Variants in MRPL48 observed in about 807,000 individuals in gnomAD.
The protein encoded by MRPL48 is large ribosomal subunit protein mL48.
A neutral mutation model predicts 32.9 loss-of-function variants in MRPL48; 16 were observed. The observed-to-expected ratio is 0.49, with a 90% CI of 0.33 to 0.74. MRPL48 has a LOEUF of 0.74. MRPL48 is among the 30% of genes least tolerant of loss of function. The pLI is 0.02. For synonymous variants in MRPL48, 94 were observed against 89.2 expected (o/e 1.05, Z -0.31); for missense variants, 206 against 245.3 (o/e 0.84, Z 1.07).
At chr11:73,858,845 C>T (rs936210016) in intron 5 of MRPL48, among the ~76,000 whole-genome samples, 5 of 152,300 alleles carry the variant, frequency 3.3e-5, no homozygotes, top group African/African-American at 1.2e-4. Flanking sequence ...GAAACTGAGG[C>T]CCAGAGGGGG....
intron 3 of MRPL48, among the ~76,000 whole-genome samples, chr11:73,817,086 C>T (rs1947691764): frequency 6.6e-6 from 1 of 152,004 alleles, no homozygotes; most frequent in South Asian, 2.1e-4. Flanking sequence ...CCCGCTTGGG[C>T]CTCCCGAAGT....
At chr11:73,817,092 G>A (rs1170016883) in intron 3 of MRPL48, among the ~76,000 whole-genome samples, 2 of 150,702 alleles carry the variant, frequency 1.3e-5, no homozygotes, top group African/African-American at 2.4e-5. Context: ...TGGGCCTCCC[G>A]AAGTGCTGGG....
At chr11:73,857,580 G>A (rs996316007) in intron 5 of MRPL48, among the ~76,000 whole-genome samples, 5 of 143,648 alleles carry the variant, frequency 3.5e-5, no homozygotes, top group African/African-American at 1.0e-4. Context: ...ACGCCTGGCC[G>A]CATAGACTTT....
chr11:73,832,066 G>A (rs1485413817), intron 4 of MRPL48, among the ~76,000 whole-genome samples: 1 of 152,064 alleles, frequency 6.6e-6, no homozygotes, highest in Non-Finnish European at 1.5e-5. Context: ...CAGTCTTGGG[G>A]TAATGGCAGC....
At chr11:73,851,336 G>A (rs1041984514) in intron 5 of MRPL48, 2 of 219,928 alleles carry the variant, frequency 9.1e-6, no homozygotes, top group African/African-American at 4.6e-5. Flanking sequence ...TTTAAACCCA[G>A]TTCTGCCTGA....
At chr11:73,853,815 C>T (rs1405096613) in intron 5 of MRPL48, among the ~76,000 whole-genome samples, 7 of 150,518 alleles carry the variant, frequency 4.7e-5, no homozygotes, top group Non-Finnish European at 7.4e-5. Context: ...CTCAGCCTCC[C>T]GAGTAGCTGG....
At chr11:73,788,070 G>GAGGGGAGATGGCGGAGGGTGTAGAT in intron 1 of MRPL48, 78 bp downstream of exon 1, 1 of 1,574,958 alleles carries the variant, frequency 6.3e-7, no homozygotes. Flanking sequence ...AGGGTGCAGA[G>GAGGGGAGATGGCGGAGGGTGTAGAT]CGGGGAGGTG....
rs577063286 is a variant in MRPL48 at position 73,855,551 on chromosome 11, G to A, written c.372-4356G>A. Among the ~76,000 whole-genome samples the A allele has an allele frequency of 3.3e-5, 5 of 152,150 alleles. No individual in the cohort carries two copies. In the East Asian group the frequency reaches 7.7e-4, roughly 24 times the overall value. On this transcript the variant is annotated intron_variant, in intron 5 of 7. Transcript: ENST00000310614. ...TGCCCAGGCTGGAGTGCAGTGGTGC[G>A]ATCTCGGCTCACTGCAACCTCTGCT...
chr11:73,834,814 T>A (rs1170899292), intron 4 of MRPL48, among the ~76,000 whole-genome samples: 29 of 150,778 alleles, frequency 1.9e-4, no homozygotes, highest in Admixed American at 1.9e-3. Flanking sequence ...GGATTACAGG[T>A]GTGAGCCACC....
At chr11:73,826,820 A>G (rs1336889601) in intron 4 of MRPL48, among the ~76,000 whole-genome samples, 2 of 136,616 alleles carry the variant, frequency 1.5e-5, no homozygotes, top group Non-Finnish European at 3.1e-5. Context: ...CTTATTGCTC[A>G]GGCTGGAGGG....
At chr11:73,795,629 C>T (rs898081605) in intron 1 of MRPL48, among the ~76,000 whole-genome samples, 1 of 151,708 alleles carries the variant, frequency 6.6e-6, no homozygotes, top group African/African-American at 2.4e-5. Flanking sequence ...GCCTCAGCCT[C>T]CCCAGTAGCT....
At chr11:73,850,690 T>TC in intron 5 of MRPL48, 1 of 234,790 alleles carries the variant, frequency 4.3e-6, no homozygotes, top group South Asian at 5.1e-5. Context: ...TTTTTTTTTT[T>TC]TTTTGAAACG....
At chr11:73,812,730 A>ATT (rs1458283811) in intron 3 of MRPL48, among the ~76,000 whole-genome samples, 27 of 137,616 alleles carry the variant, frequency 2.0e-4, no homozygotes, top group Admixed American at 4.4e-4. Flanking sequence ...ATATATATAT[A>ATT]TATATATATA....
chr11:73,814,166 A>T (rs1287294058), intron 3 of MRPL48, among the ~76,000 whole-genome samples: 6 of 151,144 alleles, frequency 4.0e-5, no homozygotes, highest in Non-Finnish European at 3.0e-5. Flanking sequence ...GTTGAGGGGA[A>T]GATCACCTGA....
chr11:73,800,405 C>G (rs145084766), intron 1 of MRPL48, among the ~76,000 whole-genome samples: 1,569 of 152,222 alleles, frequency 0.01, 26 homozygotes, highest in African/African-American at 0.036. Flanking sequence ...TCAAAGACCC[C>G]TGACCCACTG....
At chr11:73,791,793 A>G (rs1947159631) in intron 1 of MRPL48, among the ~76,000 whole-genome samples, 1 of 152,196 alleles carries the variant, frequency 6.6e-6, no homozygotes, top group African/African-American at 2.4e-5. Context: ...TAAATGTCGA[A>G]TGAATAAGTG....
intron 4 of MRPL48, among the ~76,000 whole-genome samples, chr11:73,837,625 G>C (rs1792164): frequency 1.3e-5 from 2 of 152,132 alleles, no homozygotes; most frequent in South Asian, 2.1e-4. Context: ...CTATTTGGGG[G>C]ACCAGAGTGC....
intron 4 of MRPL48, among the ~76,000 whole-genome samples, chr11:73,833,997 T>A (rs1948042661): frequency 2.6e-5 from 4 of 152,174 alleles, no homozygotes; most frequent in Admixed American, 2.0e-4. Context: ...ATTGGGATTA[T>A]AGGTGCGCCC....
chr11:73,802,137 A>G (rs1947372458), intron 1 of MRPL48: 1 of 152,190 alleles, frequency 6.6e-6, no homozygotes, highest in Non-Finnish European at 1.5e-5. Flanking sequence ...TGCAAAAGCT[A>G]AGGATTTCTC....
Sources: allele counts gnomAD v4.1 joint callset (sites outside exome capture counted in the v4.1 genomes callset), GRCh38; gene constraint gnomAD v4.1.1; transcripts MANE v1.5; gene names NCBI Gene and HGNC (gene_info 2026-07-23, HGNC 2026-07-21).